ASXL2: variants seen among roughly 807,000 people sequenced by gnomAD.
The protein encoded by ASXL2 is putative Polycomb group protein ASXL2.
ASXL2 carries 23 observed loss-of-function variants against 122.0 expected under a neutral mutation model. The ratio of observed to expected loss-of-function variants is 0.19; its 90% CI spans 0.14 to 0.27. ASXL2 has a LOEUF of 0.27. Ranked by LOEUF, ASXL2 falls within the 10% of genes least tolerant of loss-of-function variation. The pLI is 1.00. For missense variants in ASXL2, 1,518 were observed against 1,713.8 expected, an observed-to-expected ratio of 0.89 and a Z score of 2.02; for synonymous variants, 650 against 637.0, an observed-to-expected ratio of 1.02 and a Z score of -0.31.
intron 1 of ASXL2, among the ~76,000 whole-genome samples, chr2:25,877,069 C>G (rs1421999382): frequency 1.3e-5 from 2 of 152,086 alleles, no homozygotes. Context: ...AATTTCCCCA[C>G]AGTGAACATT....
Position 25,771,453 on chromosome 2 carries a change from T to C in ASXL2, c.491A>G (p.Lys164Arg). Residue 164 changes from lysine to arginine, a missense_variant, in exon 6 of 13, where the codon AAG becomes AGG. Around this residue, in one of 8 missense-constraint regions of ASXL2, gnomAD observed 198 missense variants for 209.0 expected, o/e 0.95. Transcript: ENST00000435504. ...AGCAATGCTTACCTGCTTTAGTGCCTTCTTGCTGTGCTTCTGTGATGGAGA... is the reference window on the plus strand; with the variant it reads ...AGCAATGCTTACCTGCTTTAGTGCCCTCTTGCTGTGCTTCTGTGATGGAGA... ...VISPSQKHSK[K>R]ALKQALKQQQ... 6.2e-7 allele frequency: 1 copy of C among 1,613,224 alleles called. No homozygotes were observed. Among genetic ancestry groups the C allele is most frequent in the South Asian group, 1.1e-5 (1 of 91,022 alleles).
intron 1 of ASXL2, among the ~76,000 whole-genome samples, chr2:25,857,560 A>C (rs917246415): frequency 6.6e-6 from 1 of 152,210 alleles, no homozygotes; most frequent in African/African-American, 2.4e-5. Context: ...CTCCTGCTTC[A>C]GAATCTTTGC....
At chr2:25,870,667 C>T (rs1457750370) in intron 1 of ASXL2, among the ~76,000 whole-genome samples, 2 of 151,886 alleles carry the variant, frequency 1.3e-5, no homozygotes, top group Admixed American at 6.6e-5. Context: ...GAGCAAGACC[C>T]CACCTCAAAA....
intron 6 of ASXL2, among the ~76,000 whole-genome samples, chr2:25,770,566 C>G (rs979761344): frequency 1.3e-5 from 2 of 151,946 alleles, no homozygotes; most frequent in African/African-American, 4.8e-5. Flanking sequence ...ACCAGCCTGA[C>G]CAACGTGGTG....
At chr2:25,786,672 G>A (rs1287736230) in intron 5 of ASXL2, among the ~76,000 whole-genome samples, 2 of 152,236 alleles carry the variant, frequency 1.3e-5, no homozygotes, top group South Asian at 4.1e-4. Flanking sequence ...TGACCAAAAT[G>A]GTGAAACCCT....
At chr2:25,877,056 C>CCAAATTATA (rs1480367656) in intron 1 of ASXL2, among the ~76,000 whole-genome samples, 1 of 151,940 alleles carries the variant, frequency 6.6e-6, no homozygotes, top group Non-Finnish European at 1.5e-5. Context: ...TTATAATTTT[C>CCAAATTATA]CAAATTTCCC....
chr2:25,799,339 T>C, intron 5 of ASXL2, 46 bp downstream of exon 5: 1 of 1,613,466 alleles, frequency 6.2e-7, no homozygotes, highest in South Asian at 1.1e-5. Context: ...CAAGGGCATT[T>C]GTCCTACAGC....
intron 8 of ASXL2, among the ~76,000 whole-genome samples, chr2:25,763,446 C>T (rs1028585008): frequency 1.3e-5 from 2 of 151,458 alleles, no homozygotes; most frequent in African/African-American, 2.4e-5. Context: ...GCCAAGATCA[C>T]GCCACTGCAC....
At chr2:25,797,403 C>A (rs1032650153) in intron 5 of ASXL2, among the ~76,000 whole-genome samples, 8 of 152,130 alleles carry the variant, frequency 5.3e-5, no homozygotes, top group African/African-American at 1.9e-4. Context: ...CGAGATCGCT[C>A]CACTGTACTC....
At chr2:25,849,061 T>TTA (rs751570430) in intron 1 of ASXL2, among the ~76,000 whole-genome samples, 1 of 6,750 alleles carries the variant, frequency 1.5e-4, no homozygotes, top group Non-Finnish European at 3.1e-4. Flanking sequence ...AAAAAAAAAT[T>TTA]TACATATATA....
chr2:25,786,239 C>CCTTTTTTTTT (rs2088742666), intron 5 of ASXL2, among the ~76,000 whole-genome samples: 1 of 51,010 alleles, frequency 2.0e-5, no homozygotes, highest in African/African-American at 1.1e-4. Flanking sequence ...TACTCCACAT[C>CCTTTTTTTTT]ATTCTTTTTT....
intron 6 of ASXL2, 40 bp downstream of exon 6, chr2:25,771,400 A>G: frequency 6.4e-7 from 1 of 1,555,174 alleles, no homozygotes; most frequent in Non-Finnish European, 8.8e-7. Flanking sequence ...TTTTAAATAC[A>G]GGAAATTCTA....
intron 2 of ASXL2, among the ~76,000 whole-genome samples, chr2:25,835,854 T>A (rs1245318752): frequency 1.3e-5 from 2 of 152,216 alleles, no homozygotes; most frequent in African/African-American, 4.8e-5. Flanking sequence ...ATACAATGAA[T>A]ACTTCCCATT....
chr2:25,779,084 ATTTTT>A (rs33911748), intron 5 of ASXL2, among the ~76,000 whole-genome samples: 3 of 99,412 alleles, frequency 3.0e-5, no homozygotes, highest in African/African-American at 7.8e-5. Context: ...CTTTTTTCTG[ATTTTT>A]TTTTTTTTTT....
chr2:25,794,856 C>T (rs1376385418), intron 5 of ASXL2, among the ~76,000 whole-genome samples: 1 of 152,140 alleles, frequency 6.6e-6, no homozygotes, highest in African/African-American at 2.4e-5. Flanking sequence ...GCTTGCTTTA[C>T]CTTTATTGAT....
At chr2:25,863,402 A>T (rs937439852) in intron 1 of ASXL2, among the ~76,000 whole-genome samples, 1 of 147,664 alleles carries the variant, frequency 6.8e-6, no homozygotes, top group African/African-American at 2.5e-5. Context: ...AACTTAAAAT[A>T]AAAACAGGGG....
At chr2:25,791,933 C>T (rs1462653762) in intron 5 of ASXL2, among the ~76,000 whole-genome samples, 9 of 152,126 alleles carry the variant, frequency 5.9e-5, no homozygotes, top group Admixed American at 2.0e-4. Flanking sequence ...ATTTGTTTCC[C>T]AAATACCTGG....
intron 3 of ASXL2, among the ~76,000 whole-genome samples, chr2:25,820,234 G>A (rs983180802): frequency 2.6e-5 from 4 of 152,138 alleles, no homozygotes. Flanking sequence ...GTATTTAAAA[G>A]TGAATGGGGC....
At chr2:25,866,927 T>C (rs943103806) in intron 1 of ASXL2, among the ~76,000 whole-genome samples, 16 of 150,312 alleles carry the variant, frequency 1.1e-4, no homozygotes, top group Non-Finnish European at 1.6e-4. Flanking sequence ...TGAGACAGTG[T>C]TTTGCTCTTG....
Sources: gnomAD v4.1 joint callset for allele counts (sites outside exome capture counted in the v4.1 genomes callset) on GRCh38, gnomAD v4.1.1 for gene constraint, gnomAD v4.1.1 regional missense constraint, MANE v1.5 for transcripts, NCBI Gene and HGNC (gene_info 2026-07-23, HGNC 2026-07-21) for gene names.